The following LRR1 variants were observed in gnomAD, a reference collection of about 807,000 sequenced individuals.
LRR1 encodes the protein leucine-rich repeat protein 1.
LRR1 carries 29 observed loss-of-function variants against 31.6 expected under a neutral mutation model. That is an observed-to-expected ratio of 0.92 (90% CI 0.68 to 1.25). LRR1 has a LOEUF of 1.25. Ranked by LOEUF, LRR1 falls within the 50% of genes most tolerant of loss-of-function variation. LRR1 has a pLI of 0.00. For missense variants in LRR1, 485 were observed against 487.2 expected, an observed-to-expected ratio of 1.00 and a Z score of 0.04; for synonymous variants, 179 against 181.4, an observed-to-expected ratio of 0.99 and a Z score of 0.10.
intron 1 of LRR1, among the ~76,000 whole-genome samples, chr14:49,599,597 T>C (rs1022823104): frequency 1.3e-5 from 2 of 151,168 alleles, no homozygotes; most frequent in African/African-American, 2.4e-5. Flanking sequence ...GAATTCTTTC[T>C]CCCACAATAT....
intron 1 of LRR1, chr14:49,599,967 G>A: frequency 6.4e-7 from 1 of 1,561,854 alleles, no homozygotes; most frequent in Non-Finnish European, 8.7e-7. Context: ...GGGGGACCAT[G>A]CCCGGAGGCC....
At chr14:49,600,907 T>C (rs1882029687) in intron 1 of LRR1, 1 of 1,452,238 alleles carries the variant, frequency 6.9e-7, no homozygotes, top group Non-Finnish European at 9.2e-7. Context: ...TGTAACTACA[T>C]AAAAAACAGA....
At chr14:49,604,665 C>A (rs571603470) in intron 2 of LRR1, among the ~76,000 whole-genome samples, 19 of 152,158 alleles carry the variant, frequency 1.2e-4, no homozygotes, top group African/African-American at 4.6e-4. Context: ...TGCACTCCAT[C>A]CTGGTTGATA....
At chr14:49,601,425 C>G in intron 1 of LRR1, 1 of 515,906 alleles carries the variant, frequency 1.9e-6, no homozygotes. Flanking sequence ...TTGTTGAAAT[C>G]TAAAGCAGAT....
rs763341596 is a variant in LRR1 at position 49,614,410 on chromosome 14, G to C, written c.1159G>C (p.Asp387His). 2.5e-6 allele frequency: 4 copies of C among 1,613,994 alleles called. No homozygotes were observed. The South Asian group carries it at 3.3e-5, about 13-fold the overall frequency. Residue 387 changes from aspartate (D) to histidine (H), a missense_variant, in exon 4 of 4, where the codon GAT (aspartate) becomes CAT (histidine). Transcript: ENST00000298288. Reference protein sequence around the residue: ...HSVAHTVVLVDNLGGTEAPII... With the variant: ...HSVAHTVVLVHNLGGTEAPII... ...TGTTGCCCACACTGTGGTCTTAGTA[G>C]ATAATTTGGGTGGTACTGAAGCACC...
intron 3 of LRR1, among the ~76,000 whole-genome samples, chr14:49,608,593 C>A (rs1189984008): frequency 1.3e-5 from 2 of 151,278 alleles, no homozygotes; most frequent in Admixed American, 6.6e-5. Flanking sequence ...ACCATGTATA[C>A]CCTGCTCCTA....
At chr14:49,610,584 A>T (rs1479392001) in intron 3 of LRR1, among the ~76,000 whole-genome samples, 1 of 148,958 alleles carries the variant, frequency 6.7e-6, no homozygotes, top group Non-Finnish European at 1.5e-5. Context: ...ATTTTTTGAG[A>T]CAGTCTCTTT....
chr14:49,604,273 C>G (rs779483412), intron 2 of LRR1, among the ~76,000 whole-genome samples: 4 of 151,974 alleles, frequency 2.6e-5, no homozygotes, highest in Non-Finnish European at 5.9e-5. Context: ...CCACTGCACT[C>G]CAACCTGGGC....
intron 1 of LRR1, chr14:49,600,097 C>G: frequency 1.3e-6 from 2 of 1,591,952 alleles, no homozygotes; most frequent in Non-Finnish European, 1.7e-6. Flanking sequence ...GACGCCTTCC[C>G]GGAGGAGTAC....
chr14:49,612,575 T>G (rs1409916543), intron 3 of LRR1: 5 of 1,181,704 alleles, frequency 4.2e-6, no homozygotes, highest in Non-Finnish European at 5.3e-6. Context: ...AGTCTTTTTA[T>G]GAAAAATTTA....
At chr14:49,600,359 G>T in intron 1 of LRR1, 1 of 1,565,040 alleles carries the variant, frequency 6.4e-7, no homozygotes, top group East Asian at 2.2e-5. Flanking sequence ...TAGGAGCTCA[G>T]ATTGATCTCC....
rs144778460 is a variant in LRR1, at chr14:49,602,370, C to T, written c.184C>T (p.Leu62=). Residue 62 remains leucine (L), a splice_region_variant and synonymous_variant, in exon 2 of 4, where the codon CTA becomes TTA. Coordinates refer to ENST00000298288, the MANE Select transcript of LRR1 (RefSeq NM_152329.4). Reference sequence around the variant, plus strand: ...TTTTTTTTCTATTGGTTTTATGCAGCTAAGGGAGAACATTGAGCAATTCTT... The same window carrying T: ...TTTTTTTTCTATTGGTTTTATGCAGTTAAGGGAGAACATTGAGCAATTCTT... ...LKDKRGTRYE[L]RENIEQFFTK... is the part of the protein sequence containing the mutation. The T allele has an allele frequency of 6.6e-4, 1,067 of 1,611,620 alleles. 6 individuals carry two copies. In the African/African-American group the frequency reaches 0.013, roughly 19 times the overall value.
intron 2 of LRR1, among the ~76,000 whole-genome samples, chr14:49,605,022 A>G (rs1193004559): frequency 2.0e-5 from 3 of 151,884 alleles, no homozygotes; most frequent in Non-Finnish European, 4.4e-5. Context: ...CAGCCTCCCA[A>G]GTAACTGGGA....
At chr14:49,601,707 G>C in intron 1 of LRR1, 1 of 1,286,110 alleles carries the variant, frequency 7.8e-7, no homozygotes, top group Non-Finnish European at 1.0e-6. Flanking sequence ...TGGGAGAAAA[G>C]GAGCATTCTC....
chr14:49,607,986 A>G lies in LRR1; in HGVS notation c.869A>G (p.Glu290Gly), dbSNP rs376915571. Residue 290 changes from glutamate to glycine, a missense_variant, in exon 3 of 4, where the codon GAA (glutamate) becomes GGA (glycine). Around this residue, in one of 3 missense-constraint regions of LRR1, gnomAD observed 210 missense variants for 200.4 expected, o/e 1.05. Coordinates refer to ENST00000298288, the MANE Select transcript of LRR1 (RefSeq NM_152329.4). ...AATAAGCTTCCATTTTTGCCTAGTGAATTTAGAAATTTATCCCTTGAATAC... is the reference window on the plus strand; with the variant it reads ...AATAAGCTTCCATTTTTGCCTAGTGGATTTAGAAATTTATCCCTTGAATAC... ...ARNKLPFLPS[E>G]FRNLSLEYLD... is the part of the protein sequence containing the mutation. The G allele has an allele frequency of 1.9e-6, 3 of 1,614,138 alleles. No individual in the cohort carries two copies. The highest frequency in any genetic ancestry group is 2.5e-6 in the Non-Finnish European group (3 of 1,180,020).
intron 1 of LRR1, chr14:49,601,555 A>C (rs1882052342): frequency 2.5e-6 from 3 of 1,178,722 alleles, no homozygotes; most frequent in South Asian, 1.3e-5. Flanking sequence ...TCAGGATAGA[A>C]TAGCAAAGGA....
intron 1 of LRR1, 151 bp downstream of exon 1, chr14:49,599,354 CCG>C: frequency 1.2e-6 from 1 of 851,706 alleles, no homozygotes; most frequent in Non-Finnish European, 1.8e-6. Flanking sequence ...TACCATCAGC[CCG>C]ACCCCAGGGT....
At chr14:49,609,229 T>TTTTTTTTTTTC (rs1566496387) in intron 3 of LRR1, among the ~76,000 whole-genome samples, 19 of 122,672 alleles carry the variant, frequency 1.5e-4, no homozygotes, top group Non-Finnish European at 2.8e-4. Context: ...TTTTTTTTTT[T>TTTTTTTTTTTC]TTTTTTTTTT....
chr14:49,605,576 CCTTTT>C (rs993756470), intron 2 of LRR1, among the ~76,000 whole-genome samples: 16 of 152,150 alleles, frequency 1.1e-4, no homozygotes, highest in African/African-American at 2.9e-4. Flanking sequence ...TGATAATTAC[CCTTTT>C]CTTAATAAAA....
Sources: gnomAD v4.1 joint callset for allele counts (sites outside exome capture counted in the v4.1 genomes callset) on GRCh38, gnomAD v4.1.1 for gene constraint, gnomAD v4.1.1 regional missense constraint, MANE v1.5 for transcripts, NCBI Gene and HGNC (gene_info 2026-07-23, HGNC 2026-07-21) for gene names.